The following SCHIP1 variants were observed in gnomAD, a reference collection of about 807,000 sequenced individuals.
The protein encoded by SCHIP1 is schwannomin interacting protein 1, also known as schwannomin-interacting protein 1.
Under a neutral mutation model 29.7 loss-of-function variants are expected in SCHIP1, and 8 were observed. The ratio of observed to expected loss-of-function variants is 0.27; its 90% CI spans 0.16 to 0.49. SCHIP1 has a LOEUF of 0.49. SCHIP1 is among the 20% of genes least tolerant of loss of function. The pLI, the probability that SCHIP1 is intolerant of heterozygous loss-of-function variation, is 0.99. For synonymous variants in SCHIP1, 76 were observed against 94.9 expected, an observed-to-expected ratio of 0.80 and a Z score of 1.16; for missense variants, 193 against 294.6, an observed-to-expected ratio of 0.66 and a Z score of 2.52.
the SCHIP1 span, among the ~76,000 whole-genome samples, chr3:159,402,688 A>T: frequency 6.6e-6 from 1 of 152,156 alleles, no homozygotes; most frequent in Admixed American, 6.6e-5. Flanking sequence ...AGGACAAAAA[A>T]CCAAACATTG....
the SCHIP1 span, among the ~76,000 whole-genome samples, chr3:159,751,549 C>CT: frequency 0.088 from 12,741 of 145,578 alleles, 1,505 homozygotes; most frequent in African/African-American, 0.27. Context: ...ACAATTATTT[C>CT]TTTTTTTTTT....
chr3:159,382,409 C>T, the SCHIP1 span, among the ~76,000 whole-genome samples: 5 of 151,136 alleles, frequency 3.3e-5, no homozygotes, highest in African/African-American at 1.2e-4. Context: ...TTTCCAATTT[C>T]ATCCATGTCC....
chr3:159,409,250 C>T, the SCHIP1 span, among the ~76,000 whole-genome samples: 1 of 152,006 alleles, frequency 6.6e-6, no homozygotes, highest in African/African-American at 2.4e-5. Flanking sequence ...CCCATTTTCA[C>T]CACCATTATT....
At chr3:159,441,425 G>T in the SCHIP1 span, among the ~76,000 whole-genome samples, 1 of 152,056 alleles carries the variant, frequency 6.6e-6, no homozygotes, top group Non-Finnish European at 1.5e-5. Context: ...ATAGGTGAGA[G>T]AACTTAGAGA....
At chr3:159,754,895 G>A in the SCHIP1 span, among the ~76,000 whole-genome samples, 4 of 152,154 alleles carry the variant, frequency 2.6e-5, no homozygotes, top group Non-Finnish European at 4.4e-5. Context: ...GTATTAGTCC[G>A]TTTTCACACT....
chr3:159,630,697 T>C, the SCHIP1 span, among the ~76,000 whole-genome samples: 56 of 151,962 alleles, frequency 3.7e-4, no homozygotes, highest in African/African-American at 1.3e-3. Flanking sequence ...ATAAGAATGA[T>C]ACATTGGACT....
At chr3:159,810,771 C>T in the SCHIP1 span, among the ~76,000 whole-genome samples, 1 of 152,308 alleles carries the variant, frequency 6.6e-6, no homozygotes, top group South Asian at 2.1e-4. Flanking sequence ...TGCATGAATA[C>T]ATATACATCT....
chr3:159,453,225 G>A, the SCHIP1 span, among the ~76,000 whole-genome samples: 6 of 152,122 alleles, frequency 3.9e-5, no homozygotes, highest in Non-Finnish European at 7.4e-5. Context: ...GAGTGTAGGC[G>A]TTGCTTTTTA....
At chr3:159,424,027 C>A in the SCHIP1 span, among the ~76,000 whole-genome samples, 1 of 143,198 alleles carries the variant, frequency 7.0e-6, no homozygotes, top group African/African-American at 2.5e-5. Flanking sequence ...AACTAACAAA[C>A]AGAAAGGACA....
the SCHIP1 span, among the ~76,000 whole-genome samples, chr3:159,667,534 G>A: frequency 5.3e-5 from 8 of 152,312 alleles, no homozygotes; most frequent in South Asian, 2.1e-4. Context: ...TGTGCATGGT[G>A]GGTGACAGGA....
the SCHIP1 span, among the ~76,000 whole-genome samples, chr3:159,683,446 T>C: frequency 2.0e-5 from 3 of 152,208 alleles, no homozygotes; most frequent in Admixed American, 1.3e-4. Flanking sequence ...GCGTTTTTTT[T>C]CAATCGTTTT....
the SCHIP1 span, among the ~76,000 whole-genome samples, chr3:159,610,989 T>C: frequency 6.6e-6 from 1 of 152,092 alleles, no homozygotes; most frequent in Non-Finnish European, 1.5e-5. Flanking sequence ...ATTATGACAT[T>C]TTACCCTCTT....
chr3:159,507,161 T>G, the SCHIP1 span, among the ~76,000 whole-genome samples: 3 of 152,188 alleles, frequency 2.0e-5, no homozygotes, highest in South Asian at 6.2e-4. Context: ...AGTTTGTAGT[T>G]TTCCTTGAAG....
At chr3:159,609,501 C>T in the SCHIP1 span, among the ~76,000 whole-genome samples, 2 of 152,008 alleles carry the variant, frequency 1.3e-5, no homozygotes, top group Non-Finnish European at 2.9e-5. Context: ...AGTGTGTGGC[C>T]GCTTAGCTGA....
chr3:159,423,187 G>C, the SCHIP1 span, among the ~76,000 whole-genome samples: 11 of 152,216 alleles, frequency 7.2e-5, no homozygotes, highest in Non-Finnish European at 1.5e-4. Flanking sequence ...TCTCACTAGG[G>C]AGTGCCAGAC....
the SCHIP1 span, among the ~76,000 whole-genome samples, chr3:159,349,304 G>C: frequency 2.6e-5 from 4 of 152,178 alleles, no homozygotes; most frequent in Admixed American, 6.5e-5. Context: ...ATAGATACTA[G>C]AGAGGTACTT....
the SCHIP1 span, among the ~76,000 whole-genome samples, chr3:159,555,467 A>G: frequency 6.6e-6 from 1 of 152,244 alleles, no homozygotes; most frequent in African/African-American, 2.4e-5. Flanking sequence ...TAATGGTCAC[A>G]GTATGTGGGA....
chr3:159,488,051 G>C, the SCHIP1 span, among the ~76,000 whole-genome samples: 1 of 152,104 alleles, frequency 6.6e-6, no homozygotes, highest in Non-Finnish European at 1.5e-5. Context: ...CATGATGCTG[G>C]GCACAGATCA....
chr3:159,891,397 G>T, intron 5 of SCHIP1, among the ~76,000 whole-genome samples: 1 of 151,990 alleles, frequency 6.6e-6, no homozygotes, highest in East Asian at 1.9e-4. Context: ...AGGAAGGAAG[G>T]GAGGGAGGGA....
Sources: gnomAD v4.1 joint callset for allele counts (sites outside exome capture counted in the v4.1 genomes callset) on GRCh38, gnomAD v4.1.1 for gene constraint, MANE v1.5 for transcripts, NCBI Gene and HGNC (gene_info 2026-07-23, HGNC 2026-07-21) for gene names.